Variants in NDUFAF6 observed in about 807,000 individuals in gnomAD.
NDUFAF6 encodes the protein NADH:ubiquinone oxidoreductase complex assembly factor 6.
Under a neutral mutation model 40.8 loss-of-function variants are expected in NDUFAF6, and 45 were observed. The ratio of observed to expected loss-of-function variants is 1.10; its 90% confidence interval spans 0.87 to 1.42. NDUFAF6 has a LOEUF of 1.42. Ranked by LOEUF, NDUFAF6 falls within the 40% of genes most tolerant of loss-of-function variation. The probability of loss-of-function intolerance (pLI) is 0.00; values close to 1 mark genes in which losing one functional copy is unlikely to be tolerated. For missense variants in NDUFAF6, 435 were observed against 418.5 expected, an observed-to-expected ratio of 1.04 and a Z score of -0.34; for synonymous variants, 185 against 155.9, an observed-to-expected ratio of 1.19 and a Z score of -1.39.
chr8:95,091,750 C>T (rs914585550), intron 2 of NDUFAF6, among the ~76,000 whole-genome samples: 5 of 150,936 alleles, frequency 3.3e-5, no homozygotes, highest in Non-Finnish European at 7.4e-5. Context: ...AGCGATCCCC[C>T]CCAGCTCAGC....
At chr8:95,048,415 G>A in intron 6 of NDUFAF6, 42 bp from the exon 7 acceptor site, 1 of 1,388,972 alleles carries the variant, frequency 7.2e-7, no homozygotes, top group Non-Finnish European at 1.0e-6. Flanking sequence ...TTGGAAGGAA[G>A]TGCTTTTAGG....
intron 1 of NDUFAF6, chr8:94,930,781 A>G: frequency 6.3e-7 from 1 of 1,576,506 alleles, no homozygotes; most frequent in Non-Finnish European, 8.6e-7. Context: ...GTTATTAACA[A>G]AACTGGAAAA....
intron 2 of NDUFAF6, chr8:95,034,099 G>C (rs1180192858): frequency 2.2e-6 from 1 of 457,436 alleles, no homozygotes; most frequent in Non-Finnish European, 4.4e-6. Flanking sequence ...CAGGATATTT[G>C]GAAGTAACTT....
chr8:95,027,909 T>C (rs1024985020), intron 1 of NDUFAF6, among the ~76,000 whole-genome samples: 1 of 152,190 alleles, frequency 6.6e-6, no homozygotes, highest in Non-Finnish European at 1.5e-5. Flanking sequence ...CTCCTAGCAA[T>C]TTAGGTTTTT....
At chr8:94,913,132 G>C (rs1181324849) in intron 1 of NDUFAF6, among the ~76,000 whole-genome samples, 1 of 152,200 alleles carries the variant, frequency 6.6e-6, no homozygotes, top group African/African-American at 2.4e-5. Context: ...ATACACAAAG[G>C]ATGAACATGT....
At chr8:95,015,795 A>G (rs545772699) in intron 2 of NDUFAF6, among the ~76,000 whole-genome samples, 3 of 152,356 alleles carry the variant, frequency 2.0e-5, no homozygotes, top group Non-Finnish European at 2.9e-5. Context: ...GTGTTCTATT[A>G]GAGAAATTAG....
chr8:94,938,160 C>T (rs1261648354), intron 1 of NDUFAF6, among the ~76,000 whole-genome samples: 1 of 152,214 alleles, frequency 6.6e-6, no homozygotes, highest in Admixed American at 6.5e-5. Context: ...TACGTGTTTG[C>T]TAAAACCATT....
chr8:95,109,080 C>T (rs955708952), intron 4 of NDUFAF6, among the ~76,000 whole-genome samples: 10 of 152,090 alleles, frequency 6.6e-5, no homozygotes, highest in African/African-American at 2.4e-4. Context: ...GATATAGAAA[C>T]AATTTACAGT....
At chr8:95,054,597 G>A (rs1434860771) in intron 8 of NDUFAF6, among the ~76,000 whole-genome samples, 3 of 152,032 alleles carry the variant, frequency 2.0e-5, no homozygotes, top group Non-Finnish European at 2.9e-5. Context: ...ACCATGCCCC[G>A]CTAATTTTTA....
chr8:95,065,396 T>C (rs534831347), intron 9 of NDUFAF6, among the ~76,000 whole-genome samples: 2 of 152,338 alleles, frequency 1.3e-5, no homozygotes, highest in East Asian at 3.9e-4. Flanking sequence ...AATTTCCACA[T>C]ATTTCTACTG....
chr8:95,024,580 G>A (rs901861051), upstream of NDUFAF6, among the ~76,000 whole-genome samples: 13 of 152,260 alleles, frequency 8.5e-5, no homozygotes, highest in African/African-American at 2.9e-4. Flanking sequence ...AGCAACGTGC[G>A]GGACAGCGCT....
chr8:94,979,132 G>A (rs918272620), intron 1 of NDUFAF6, among the ~76,000 whole-genome samples: 3 of 152,134 alleles, frequency 2.0e-5, no homozygotes, highest in Non-Finnish European at 4.4e-5. Context: ...CCGTCCTGAG[G>A]ATCTGAAGTC....
intron 1 of NDUFAF6, among the ~76,000 whole-genome samples, chr8:94,980,433 G>GGTTTTTTT (rs1448922297): frequency 6.8e-6 from 1 of 147,332 alleles, no homozygotes; most frequent in African/African-American, 2.5e-5. Context: ...TGTCAACTGT[G>GGTTTTTTT]GTTTTTTTGT....
At chr8:95,115,987 A>G (rs1165471494) in intron 5 of NDUFAF6, among the ~76,000 whole-genome samples, 2 of 152,026 alleles carry the variant, frequency 1.3e-5, no homozygotes, top group African/African-American at 4.8e-5. Flanking sequence ...AAAACACACA[A>G]ATTAGCCGGG....
At chr8:94,989,212 A>G (rs1586915604) in intron 2 of NDUFAF6, 1 of 152,244 alleles carries the variant, frequency 6.6e-6, no homozygotes, top group Middle Eastern at 3.2e-3. Flanking sequence ...CCCAGCCCAG[A>G]TATGTTGTGA....
intron 2 of NDUFAF6, 91 bp from the exon 3 acceptor site, chr8:95,035,359 GAACA>G: frequency 7.6e-7 from 1 of 1,308,402 alleles, no homozygotes; most frequent in Non-Finnish European, 1.1e-6. Context: ...TCATAATACA[GAACA>G]GTTACATTAA....
In NDUFAF6 at chr8:94,998,032, T is replaced by C. The variant is rs1165475144; in HGVS notation, c.-84+17059T>C. On this transcript the variant is annotated intron_variant, in intron 2 of 9. Transcript: ENST00000396111. The stretch of plus-strand genomic sequence containing the variant: ...TGGGCTGCTCTTGAGTTAGAGGGAA[T>C]GCATCTTCTCCTTCTTGCTCTCAAT... Among the ~76,000 whole-genome samples the C allele has an allele frequency of 3.3e-5, 5 of 152,184 alleles. No individual in the cohort carries two copies. In the East Asian group the frequency reaches 7.7e-4, roughly 23 times the overall value.
intron 2 of NDUFAF6, among the ~76,000 whole-genome samples, chr8:94,948,282 C>T (rs1207596084): frequency 6.6e-6 from 1 of 152,208 alleles, no homozygotes; most frequent in Non-Finnish European, 1.5e-5. Context: ...AACTTAATCT[C>T]TCTGTGCCTC....
At chr8:94,923,704 G>C (rs1819656675) in intron 1 of NDUFAF6, among the ~76,000 whole-genome samples, 1 of 147,026 alleles carries the variant, frequency 6.8e-6, no homozygotes, top group Admixed American at 6.8e-5. Context: ...TTTTGAGACA[G>C]AGTCTCGCTC....
Sources: allele counts gnomAD v4.1 joint callset (sites outside exome capture counted in the v4.1 genomes callset), GRCh38; gene constraint gnomAD v4.1.1; transcripts MANE v1.5; gene names NCBI Gene and HGNC (gene_info 2026-07-23, HGNC 2026-07-21).